CACNA2D1: variants seen among roughly 807,000 people sequenced by gnomAD.
CACNA2D1 encodes the protein voltage-dependent calcium channel subunit alpha-2/delta-1.
CACNA2D1 carries 53 observed loss-of-function variants against 171.5 expected under a neutral mutation model. The observed-to-expected ratio is 0.31, with a 90% CI of 0.25 to 0.39. The LOEUF is 0.39. Ranked by LOEUF, CACNA2D1 falls within the 10% of genes least tolerant of loss-of-function variation. The pLI, the probability that CACNA2D1 is intolerant of heterozygous loss-of-function variation, is 1.00. For synonymous variants in CACNA2D1, 442 were observed against 443.1 expected (o/e 1.00, Z 0.03); for missense variants, 903 against 1,299.8 (o/e 0.69, Z 4.69).
intron 2 of CACNA2D1, among the ~76,000 whole-genome samples, chr7:82,338,072 G>A (rs1170388494): frequency 6.6e-6 from 1 of 151,990 alleles, no homozygotes; most frequent in Non-Finnish European, 1.5e-5. Flanking sequence ...ATGCTAATCA[G>A]CTATGTTAAC....
chr7:82,002,404 A>G (rs1798705220), intron 18 of CACNA2D1, among the ~76,000 whole-genome samples: 1 of 152,182 alleles, frequency 6.6e-6, no homozygotes, highest in African/African-American at 2.4e-5. Flanking sequence ...TTTATAAGCC[A>G]CCCAGTCTAT....
chr7:82,185,054 C>G (rs541479183), intron 3 of CACNA2D1, among the ~76,000 whole-genome samples: 1 of 152,132 alleles, frequency 6.6e-6, no homozygotes, highest in African/African-American at 2.4e-5. Flanking sequence ...TGTCTCTACC[C>G]TACCTGATGA....
chr7:82,032,859 A>G lies in CACNA2D1; in HGVS notation c.1081T>C (p.Phe361Leu). 6.2e-7 allele frequency: 1 copy of G among 1,604,184 alleles called. No homozygotes were observed. The highest frequency in any genetic ancestry group is 8.5e-7 in the Non-Finnish European group (1 of 1,171,832). ...RANCNKIIMLFTDGGEERAQE... is the reference protein window; with the variant it reads ...RANCNKIIMLLTDGGEERAQE... ...GCTCTCTCTTCTCCTCCATCCGTGA[A>G]TAGCATAATAATCTTATTGCAGTTT... Residue 361 changes from phenylalanine to leucine, a missense_variant, in exon 12 of 39, where the codon TTC becomes CTC. Transcript: ENST00000356860.
At chr7:82,038,324 G>T in intron 10 of CACNA2D1, 89 bp from the exon 11 acceptor site, 1 of 1,094,490 alleles carries the variant, frequency 9.1e-7, no homozygotes, top group East Asian at 2.5e-5. Context: ...CTCCTAAACG[G>T]TATTGCATTG....
At chr7:82,370,861 T>A (rs1461469551) in intron 1 of CACNA2D1, among the ~76,000 whole-genome samples, 3 of 152,152 alleles carry the variant, frequency 2.0e-5, no homozygotes, top group African/African-American at 7.2e-5. Flanking sequence ...GTAGTTCAAA[T>A]ATTGAATTAA....
At chr7:82,003,799 C>G (rs1366952770) in intron 18 of CACNA2D1, among the ~76,000 whole-genome samples, 1 of 148,830 alleles carries the variant, frequency 6.7e-6, no homozygotes, top group African/African-American at 2.5e-5. Flanking sequence ...GGCTGGAGTG[C>G]AATGGCGTGG....
intron 5 of CACNA2D1, among the ~76,000 whole-genome samples, chr7:82,128,162 T>A (rs2129065700): frequency 6.6e-6 from 1 of 151,828 alleles, no homozygotes; most frequent in Non-Finnish European, 1.5e-5. Context: ...ACTCCTGGGC[T>A]CAAGTGTTCT....
At chr7:82,414,953 G>A (rs527837104) in intron 1 of CACNA2D1, among the ~76,000 whole-genome samples, 6 of 152,148 alleles carry the variant, frequency 3.9e-5, no homozygotes, top group Non-Finnish European at 5.9e-5. Context: ...AAAATAGAAG[G>A]AACTATTCTC....
At chr7:81,999,306 A>T (rs2130814279) in intron 18 of CACNA2D1, among the ~76,000 whole-genome samples, 1 of 152,298 alleles carries the variant, frequency 6.6e-6, no homozygotes, top group Admixed American at 6.5e-5. Context: ...TGACTACAAA[A>T]TTCAAAAGCA....
intron 4 of CACNA2D1, among the ~76,000 whole-genome samples, chr7:82,141,483 A>C (rs886751703): frequency 6.6e-6 from 1 of 152,130 alleles, no homozygotes; most frequent in Non-Finnish European, 1.5e-5. Flanking sequence ...TTCCCATCCC[A>C]CTTAGACTTT....
intron 2 of CACNA2D1, among the ~76,000 whole-genome samples, chr7:82,343,564 A>T (rs559807035): frequency 6.6e-6 from 1 of 152,208 alleles, no homozygotes; most frequent in Admixed American, 6.5e-5. Flanking sequence ...AGTAAATTTT[A>T]AGTTCATGTT....
In CACNA2D1 at chr7:82,417,455, A is replaced by G. The variant is rs143285862; in HGVS notation, c.95+25910T>C. On this transcript the variant is annotated intron_variant, in intron 1 of 38. Coordinates refer to ENST00000356860, the MANE Select transcript of CACNA2D1 (RefSeq NM_000722.4). The stretch of plus-strand genomic sequence containing the variant: ...CTGTTTTAATAGCATACTCGTTATC[A>G]GGAATTAATGAATAAAACTCACTGA... Among the ~76,000 whole-genome samples, 302 of 152,354 alleles carry G rather than the reference A, an allele frequency of 2.0e-3. 2 individuals are homozygous for G. The highest frequency in any genetic ancestry group is 5.9e-3 in the Admixed American group (90 of 15,292).
At chr7:82,060,553 C>T (rs1312324385) in intron 9 of CACNA2D1, 26 bp from the exon 10 acceptor site, 2 of 1,282,992 alleles carry the variant, frequency 1.6e-6, no homozygotes. Flanking sequence ...TGGGTCCATA[C>T]ATGTTACTCA....
chr7:82,236,590 T>C (rs1803616496), intron 3 of CACNA2D1, among the ~76,000 whole-genome samples: 1 of 152,070 alleles, frequency 6.6e-6, no homozygotes, highest in African/African-American at 2.4e-5. Flanking sequence ...ACTAGTCAAA[T>C]GTATATCAGA....
intron 18 of CACNA2D1, 30 bp from the exon 19 acceptor site, chr7:81,997,280 A>C (rs1304856576): frequency 7.4e-7 from 1 of 1,344,104 alleles, no homozygotes; most frequent in Non-Finnish European, 1.1e-6. Flanking sequence ...AATTAGGTAC[A>C]TGTAACATTA....
chr7:82,397,438 T>C (rs1023049924), intron 1 of CACNA2D1, among the ~76,000 whole-genome samples: 1 of 152,196 alleles, frequency 6.6e-6, no homozygotes. Flanking sequence ...AATATACTTA[T>C]CTAACATATA....
chr7:82,195,240 T>TA (rs914582141), intron 3 of CACNA2D1, among the ~76,000 whole-genome samples: 54 of 152,102 alleles, frequency 3.6e-4, no homozygotes, highest in African/African-American at 1.2e-3. Flanking sequence ...AGACCATCAC[T>TA]ATCTGGGTTG....
At chr7:82,049,039 GA>G (rs200505801) in intron 10 of CACNA2D1, among the ~76,000 whole-genome samples, 4 of 147,352 alleles carry the variant, frequency 2.7e-5, no homozygotes, top group South Asian at 4.3e-4. Context: ...TAATTAATGG[GA>G]AAAAAATACT....
intron 3 of CACNA2D1, among the ~76,000 whole-genome samples, chr7:82,216,458 A>G (rs1177104729): frequency 6.6e-6 from 1 of 152,220 alleles, no homozygotes; most frequent in Non-Finnish European, 1.5e-5. Flanking sequence ...TTCTCACCAC[A>G]CAAAGCAAAT....
Sources: gnomAD v4.1 joint callset for allele counts (sites outside exome capture counted in the v4.1 genomes callset) on GRCh38, gnomAD v4.1.1 for gene constraint, MANE v1.5 for transcripts, NCBI Gene and HGNC (gene_info 2026-07-23, HGNC 2026-07-21) for gene names.